RBFOX1: variants seen among roughly 807,000 people sequenced by gnomAD.
RBFOX1 encodes RNA binding fox-1 homolog 1.
A neutral mutation model predicts 57.7 loss-of-function variants in RBFOX1; 8 were observed. The observed-to-expected ratio is 0.14, with a 90% CI of 0.08 to 0.25. The LOEUF (loss-of-function observed/expected upper bound fraction) is 0.25, where lower values mean the gene tolerates loss of function less well. Ranked by LOEUF, RBFOX1 falls within the 10% of genes least tolerant of loss-of-function variation. The pLI is 1.00. For missense variants in RBFOX1, 611 were observed against 548.5 expected (o/e 1.11, Z -1.14); for synonymous variants, 326 against 222.4 (o/e 1.47, Z -4.15).
chr16:7,365,602 T>A (rs1437557990), intron 4 of RBFOX1, among the ~76,000 whole-genome samples: 1 of 152,200 alleles, frequency 6.6e-6, no homozygotes, highest in Non-Finnish European at 1.5e-5. Context: ...TGCTAAACAT[T>A]TGCCAAGGCA....
intron 3 of RBFOX1, among the ~76,000 whole-genome samples, chr16:6,951,218 T>C (rs1026740434): frequency 4.6e-5 from 7 of 152,116 alleles, no homozygotes; most frequent in Non-Finnish European, 5.9e-5. Context: ...AACTTTTTTT[T>C]CTTAACCAGT....
intron 4 of RBFOX1, among the ~76,000 whole-genome samples, chr16:7,321,016 A>C (rs548262086): frequency 1.3e-5 from 2 of 152,172 alleles, no homozygotes; most frequent in Non-Finnish European, 2.9e-5. Flanking sequence ...GATAAAAATA[A>C]GTACTTTTTA....
chr16:6,761,918 T>A (rs1357981972), intron 3 of RBFOX1, among the ~76,000 whole-genome samples: 1 of 152,092 alleles, frequency 6.6e-6, no homozygotes, highest in Admixed American at 6.5e-5. Context: ...TGTCTTCACC[T>A]CTAGACTGAT....
chr16:7,360,797 C>T (rs1341448724), intron 4 of RBFOX1, among the ~76,000 whole-genome samples: 2 of 152,196 alleles, frequency 1.3e-5, no homozygotes, highest in Non-Finnish European at 2.9e-5. Context: ...CTTTGCCTTT[C>T]TTCACACAGT....
At chr16:6,566,851 G>A (rs1401588324) in intron 2 of RBFOX1, among the ~76,000 whole-genome samples, 1 of 152,158 alleles carries the variant, frequency 6.6e-6, no homozygotes, top group East Asian at 1.9e-4. Context: ...GTTTGATATT[G>A]AGATGCTAGA....
At chr16:7,596,157 TTTAC>T (rs148980254) in intron 8 of RBFOX1, among the ~76,000 whole-genome samples, 2 of 52,560 alleles carry the variant, frequency 3.8e-5, no homozygotes, top group Non-Finnish European at 1.6e-4. Flanking sequence ...ACGAGAGGTT[TTTAC>T]TAAACCTCTC....
intron 1 of RBFOX1, among the ~76,000 whole-genome samples, chr16:5,325,011 C>A (rs916480316): frequency 6.6e-6 from 1 of 152,138 alleles, no homozygotes; most frequent in Admixed American, 6.5e-5. Context: ...TGGGTGAAAT[C>A]TGTACAACAA....
intron 2 of RBFOX1, among the ~76,000 whole-genome samples, chr16:6,598,491 A>G (rs2097801766): frequency 6.6e-6 from 1 of 152,252 alleles, no homozygotes; most frequent in Non-Finnish European, 1.5e-5. Context: ...TAGAAAATAA[A>G]GAGGACGTCA....
intron 4 of RBFOX1, among the ~76,000 whole-genome samples, chr16:5,951,995 ATG>A (rs1259891834): frequency 1.3e-5 from 2 of 151,204 alleles, no homozygotes; most frequent in Non-Finnish European, 2.9e-5. Flanking sequence ...ATATATATAT[ATG>A]TGTGTGTGTA....
At chr16:5,705,078 G>C (rs926935899) in intron 3 of RBFOX1, among the ~76,000 whole-genome samples, 3 of 152,104 alleles carry the variant, frequency 2.0e-5, no homozygotes, top group Admixed American at 6.5e-5. Flanking sequence ...ACCACACATT[G>C]TATGTCATTG....
intron 1 of RBFOX1, among the ~76,000 whole-genome samples, chr16:6,105,597 C>A (rs1165236309): frequency 1.3e-5 from 2 of 152,034 alleles, no homozygotes; most frequent in Non-Finnish European, 2.9e-5. Context: ...TTTTCATGGA[C>A]ACTACCTTTT....
chr16:5,477,276 A>T (rs1356350368), intron 2 of RBFOX1, among the ~76,000 whole-genome samples: 1 of 152,206 alleles, frequency 6.6e-6, no homozygotes, highest in African/African-American at 2.4e-5. Flanking sequence ...CACAGGCCTT[A>T]GAGCTGGTTT....
chr16:6,620,612 G>T (rs12444111), intron 2 of RBFOX1, among the ~76,000 whole-genome samples: 20,297 of 151,830 alleles, frequency 0.13, 1,551 homozygotes, highest in African/African-American at 0.16. Flanking sequence ...TTAGCTAGAT[G>T]AATAAAGAAG....
chr16:6,710,763 C>G (rs1053197914), intron 3 of RBFOX1, among the ~76,000 whole-genome samples: 1 of 152,242 alleles, frequency 6.6e-6, no homozygotes, highest in African/African-American at 2.4e-5. Context: ...TTGGCAACCC[C>G]AAGCCTTAGG....
In RBFOX1 at chr16:7,124,461, C is replaced by T. The variant is rs181618270; in HGVS notation, c.27+72363C>T. ...CAGTATCTGTAATTTGAAATATGTA[C>T]TGTACACTTCTGAACCAACCATCCT... On this transcript the variant is annotated intron_variant, in intron 4 of 15. Coordinates refer to ENST00000550418, the MANE Select transcript of RBFOX1 (RefSeq NM_018723.4). Among the ~76,000 whole-genome samples, 394 of 151,856 alleles carry T rather than the reference C, an allele frequency of 2.6e-3. 1 individual carries two copies. Among genetic ancestry groups the T allele is most frequent in the African/African-American group, 8.6e-3 (356 of 41,370 alleles).
intron 3 of RBFOX1, among the ~76,000 whole-genome samples, chr16:6,726,367 A>T (rs558789550): frequency 6.6e-6 from 1 of 151,310 alleles, no homozygotes; most frequent in South Asian, 2.1e-4. Flanking sequence ...TTGTAAAAAA[A>T]TAATAAATAA....
intron 4 of RBFOX1, among the ~76,000 whole-genome samples, chr16:5,890,909 T>G (rs1028489060): frequency 1.3e-5 from 2 of 152,104 alleles, no homozygotes; most frequent in African/African-American, 4.8e-5. Context: ...GTCTTCATTT[T>G]CTCTCATTGG....
chr16:7,091,673 G>T (rs1567222578), intron 4 of RBFOX1, among the ~76,000 whole-genome samples: 1 of 152,180 alleles, frequency 6.6e-6, no homozygotes. Context: ...AACTTGTGAA[G>T]TAGCTGCCTG....
chr16:7,498,677 C>G (rs1455736100), intron 4 of RBFOX1, among the ~76,000 whole-genome samples: 2 of 152,092 alleles, frequency 1.3e-5, no homozygotes, highest in African/African-American at 4.8e-5. Context: ...GTGCAGTTGC[C>G]ATGTACAGTA....
Sources: gnomAD v4.1 joint callset for allele counts (sites outside exome capture counted in the v4.1 genomes callset) on GRCh38, gnomAD v4.1.1 for gene constraint, MANE v1.5 for transcripts, NCBI Gene and HGNC (gene_info 2026-07-23, HGNC 2026-07-21) for gene names.